Variants in MEGF10 observed in about 807,000 individuals in gnomAD.
MEGF10 encodes multiple epidermal growth factor-like domains protein 10.
MEGF10 carries 86 observed loss-of-function variants against 147.5 expected under a neutral mutation model. That is an observed-to-expected ratio of 0.58 (90% CI 0.49 to 0.70). MEGF10 has a LOEUF of 0.70. Ranked by LOEUF, MEGF10 falls within the 30% of genes least tolerant of loss-of-function variation. The pLI is 0.00. For missense variants in MEGF10, 1,329 were observed against 1,487.3 expected, an observed-to-expected ratio of 0.89 and a Z score of 1.75; for synonymous variants, 478 against 525.5, an observed-to-expected ratio of 0.91 and a Z score of 1.24.
the MEGF10 span, among the ~76,000 whole-genome samples, chr5:127,268,686 A>T: frequency 6.6e-6 from 1 of 152,234 alleles, no homozygotes; most frequent in East Asian, 1.9e-4. Context: ...AACAAAAGGC[A>T]GCAGAAACCC....
the MEGF10 span, among the ~76,000 whole-genome samples, chr5:127,269,425 A>G: frequency 1.3e-5 from 2 of 152,264 alleles, no homozygotes; most frequent in Non-Finnish European, 2.9e-5. Flanking sequence ...CCATGGCACA[A>G]GAACTACGTG....
the MEGF10 span, among the ~76,000 whole-genome samples, chr5:127,255,944 C>T: frequency 3.9e-5 from 6 of 152,130 alleles, no homozygotes; most frequent in African/African-American, 1.4e-4. Context: ...GGGAACTGTG[C>T]TACAGAACTG....
intron 5 of MEGF10, among the ~76,000 whole-genome samples, chr5:127,392,924 A>G (rs954445643): frequency 1.3e-5 from 2 of 152,222 alleles, no homozygotes; most frequent in African/African-American, 4.8e-5. Flanking sequence ...TATCTGCATG[A>G]ATCTGGGCAT....
At chr5:127,247,397 A>AG in the MEGF10 span, among the ~76,000 whole-genome samples, 1 of 47,496 alleles carries the variant, frequency 2.1e-5, no homozygotes, top group East Asian at 4.4e-4. Context: ...AAGAAGAAGA[A>AG]GAAGAAGAAG....
chr5:127,407,797 T>C (rs1270442094), intron 8 of MEGF10, among the ~76,000 whole-genome samples: 1 of 152,158 alleles, frequency 6.6e-6, no homozygotes, highest in Non-Finnish European at 1.5e-5. Context: ...ATGCAGCCAA[T>C]CAGACAGGCA....
chr5:127,401,439 AG>A (rs1453894206), intron 7 of MEGF10, among the ~76,000 whole-genome samples: 1 of 152,182 alleles, frequency 6.6e-6, no homozygotes, highest in Non-Finnish European at 1.5e-5. Context: ...AAACCACCAG[AG>A]GAGACTTAAT....
chr5:127,296,122 T>C (rs1580673825), intron 1 of MEGF10, among the ~76,000 whole-genome samples: 1 of 152,352 alleles, frequency 6.6e-6, no homozygotes, highest in East Asian at 1.9e-4. Context: ...GAGGACTAAT[T>C]TAGAGCATTT....
intron 5 of MEGF10, among the ~76,000 whole-genome samples, chr5:127,384,097 C>G (rs1763346534): frequency 1.3e-5 from 2 of 152,140 alleles, no homozygotes; most frequent in Admixed American, 6.5e-5. Context: ...CTCCACTGCC[C>G]AAAGGTACAT....
chr5:127,275,471 A>T, the MEGF10 span, among the ~76,000 whole-genome samples: 1 of 152,204 alleles, frequency 6.6e-6, no homozygotes, highest in Non-Finnish European at 1.5e-5. Flanking sequence ...TGGAATGGCA[A>T]GGGACATAGA....
chr5:127,439,021 A>T (rs1458085121), intron 17 of MEGF10, among the ~76,000 whole-genome samples: 2 of 152,160 alleles, frequency 1.3e-5, no homozygotes, highest in Non-Finnish European at 1.5e-5. Context: ...GACACAACAA[A>T]CACAGAAGCT....
At chr5:127,395,823 C>T (rs1763889340) in intron 5 of MEGF10, among the ~76,000 whole-genome samples, 1 of 152,104 alleles carries the variant, frequency 6.6e-6, no homozygotes, top group South Asian at 2.1e-4. Context: ...GGATTACAGG[C>T]GTGAGCCACC....
At chr5:127,350,220 T>C (rs1291987482) in intron 4 of MEGF10, among the ~76,000 whole-genome samples, 3 of 152,102 alleles carry the variant, frequency 2.0e-5, no homozygotes, top group South Asian at 4.2e-4. Flanking sequence ...AGGGTGTTAA[T>C]TTCATCTGCA....
intron 9 of MEGF10, among the ~76,000 whole-genome samples, chr5:127,416,997 C>G (rs1764801546): frequency 6.6e-6 from 1 of 152,228 alleles, no homozygotes; most frequent in Non-Finnish European, 1.5e-5. Context: ...TTCCTCTTGT[C>G]AGGAGAACTA....
chr5:127,437,856 G>T (rs974144011), intron 16 of MEGF10, among the ~76,000 whole-genome samples: 1 of 152,166 alleles, frequency 6.6e-6, no homozygotes, highest in Admixed American at 6.5e-5. Context: ...ACATGGCCTT[G>T]GGTCCTTTAA....
chr5:127,375,708 C>T (rs762329384), intron 5 of MEGF10, among the ~76,000 whole-genome samples: 2 of 152,210 alleles, frequency 1.3e-5, no homozygotes, highest in Non-Finnish European at 2.9e-5. Flanking sequence ...TTGCTCTTCT[C>T]CCCTCACTGG....
intron 1 of MEGF10, among the ~76,000 whole-genome samples, chr5:127,293,981 G>A (rs902398209): frequency 6.6e-6 from 1 of 152,182 alleles, no homozygotes; most frequent in Non-Finnish European, 1.5e-5. Flanking sequence ...TCTTGATCTT[G>A]TTACTATCTC....
Position 127,324,284 on chromosome 5 carries a change from T to C in MEGF10, c.-18-7007T>C, listed in dbSNP as rs564626580. 3.7e-4 allele frequency among the ~76,000 whole-genome samples: 57 copies of C among 152,278 alleles called. No individual in the cohort carries two copies. In the South Asian group the frequency reaches 0.012, roughly 31 times the overall value. ...AGGGATGTTATTGAAGTGTATCAAA[T>C]TATGACAAATTTGGAAAAATAAATA... On this transcript the variant is annotated intron_variant, in intron 1 of 24. Transcript: ENST00000503335.
Position 127,420,038 on chromosome 5 carries a change from G to T in MEGF10, c.1427-6G>T. ...GCTCACGTGCTCTGGCGTTCTTGTC[G>T]CACAGGCTGGCACGGGGTGGACTGC... On this transcript the variant is annotated splice_polypyrimidine_tract_variant and splice_region_variant and intron_variant, in intron 11 of 24. Coordinates refer to ENST00000503335, the MANE Select transcript of MEGF10 (RefSeq NM_001256545.2). The T allele has an allele frequency of 1.9e-6, 3 of 1,613,408 alleles. No individual in the cohort carries two copies. The highest frequency in any genetic ancestry group is 2.5e-6 in the Non-Finnish European group (3 of 1,179,720).
At chr5:127,421,932 T>C (rs1345142065) in intron 12 of MEGF10, among the ~76,000 whole-genome samples, 3 of 139,120 alleles carry the variant, frequency 2.2e-5, no homozygotes, top group African/African-American at 5.5e-5. Flanking sequence ...GAGCTTGCAG[T>C]GAGCCGAGAT....
Sources: gnomAD v4.1 joint callset for allele counts (sites outside exome capture counted in the v4.1 genomes callset) on GRCh38, gnomAD v4.1.1 for gene constraint, MANE v1.5 for transcripts, NCBI Gene and HGNC (gene_info 2026-07-23, HGNC 2026-07-21) for gene names.